BMPR1B: variants seen among roughly 807,000 people sequenced by gnomAD.
BMPR1B encodes bone morphogenetic protein receptor type 1B.
Under a neutral mutation model 59.1 loss-of-function variants are expected in BMPR1B, and 12 were observed. The ratio of observed to expected loss-of-function variants is 0.20; its 90% CI spans 0.13 to 0.33. The LOEUF (loss-of-function observed/expected upper bound fraction) is 0.33. Among genes scored for constraint, BMPR1B ranks in the 10% least tolerant of loss-of-function variants. BMPR1B has a pLI of 1.00. For synonymous variants in BMPR1B, 237 were observed against 207.3 expected (o/e 1.14, Z -1.23); for missense variants, 550 against 610.9 (o/e 0.90, Z 1.05).
intron 3 of BMPR1B, among the ~76,000 whole-genome samples, chr4:95,083,037 C>CA (rs1171888403): frequency 0.1 from 6,052 of 60,490 alleles, 1,049 homozygotes; most frequent in African/African-American, 0.27. Context: ...TACTCTGTCT[C>CA]AAAAAAAAAA....
At chr4:94,775,660 GT>G (rs1390752117) in intron 1 of BMPR1B, among the ~76,000 whole-genome samples, 1 of 152,192 alleles carries the variant, frequency 6.6e-6, no homozygotes, top group Non-Finnish European at 1.5e-5. Context: ...TTAAGCAAGT[GT>G]TTAGTTGCTT....
At chr4:95,066,872 G>A (rs1462856358) in intron 3 of BMPR1B, among the ~76,000 whole-genome samples, 3 of 152,238 alleles carry the variant, frequency 2.0e-5, no homozygotes, top group South Asian at 2.1e-4. Context: ...TTTTTCAATG[G>A]CAGGTGAATA....
intron 1 of BMPR1B, among the ~76,000 whole-genome samples, chr4:94,778,717 C>A (rs1722476208): frequency 6.6e-6 from 1 of 152,090 alleles, no homozygotes; most frequent in African/African-American, 2.4e-5. Flanking sequence ...TTGCTAATAT[C>A]CAGGTTTAAA....
At chr4:95,018,166 A>T (rs921478504) in intron 3 of BMPR1B, among the ~76,000 whole-genome samples, 1 of 152,236 alleles carries the variant, frequency 6.6e-6, no homozygotes, top group African/African-American at 2.4e-5. Flanking sequence ...TTTTATGTAC[A>T]TGCAACAGTC....
chr4:95,115,877 G>T, intron 6 of BMPR1B, 90 bp downstream of exon 6: 2 of 1,193,318 alleles, frequency 1.7e-6, no homozygotes, highest in Non-Finnish European at 2.5e-6. Flanking sequence ...CAATCTACCT[G>T]TACCACTTTC....
intron 1 of BMPR1B, among the ~76,000 whole-genome samples, chr4:94,821,356 G>A (rs937042823): frequency 6.6e-6 from 1 of 152,072 alleles, no homozygotes; most frequent in Non-Finnish European, 1.5e-5. Flanking sequence ...AACAAAAAGT[G>A]TTTAATAATA....
At chr4:95,059,735 C>T (rs1727212305) in intron 3 of BMPR1B, among the ~76,000 whole-genome samples, 1 of 152,074 alleles carries the variant, frequency 6.6e-6, no homozygotes, top group Middle Eastern at 3.2e-3. Context: ...TCAATTTAAT[C>T]TATCAAAGCC....
At chr4:94,906,013 G>A (rs1728026319) in intron 2 of BMPR1B, among the ~76,000 whole-genome samples, 1 of 151,098 alleles carries the variant, frequency 6.6e-6, no homozygotes, top group Non-Finnish European at 1.5e-5. Flanking sequence ...ACAAAGTAAT[G>A]ATGATTTTAA....
chr4:95,066,368 A>ATTACTAGCCATTAC (rs202108341), intron 3 of BMPR1B, among the ~76,000 whole-genome samples: 1 of 152,182 alleles, frequency 6.6e-6, no homozygotes, highest in Non-Finnish European at 1.5e-5. Flanking sequence ...ACTCAGGGCC[A>ATTACTAGCCATTAC]TGGCCATTAC....
chr4:95,029,720 C>A (rs2149152820), intron 3 of BMPR1B, among the ~76,000 whole-genome samples: 1 of 152,268 alleles, frequency 6.6e-6, no homozygotes, highest in Non-Finnish European at 1.5e-5. Context: ...AACTAGTTTA[C>A]AGTCCCACCA....
At chr4:95,079,264 A>G (rs1728935999) in intron 3 of BMPR1B, among the ~76,000 whole-genome samples, 1 of 152,200 alleles carries the variant, frequency 6.6e-6, no homozygotes, top group Admixed American at 6.5e-5. Context: ...CTTTTGTCTT[A>G]ATAGGTGATC....
At chr4:94,759,021 T>C (rs1486002905) in intron 1 of BMPR1B, among the ~76,000 whole-genome samples, 1 of 152,178 alleles carries the variant, frequency 6.6e-6, no homozygotes, top group Admixed American at 6.5e-5. Flanking sequence ...CCTCTTTCTG[T>C]CCAGGCTCCG....
At position 95,154,846 on chromosome 4, in the gene BMPR1B, C is replaced by A; in HGVS notation, c.*173C>A. On this transcript the variant is annotated 3_prime_UTR_variant, in exon 13 of 13. Coordinates refer to ENST00000515059, the MANE Select transcript of BMPR1B (RefSeq NM_001203.3). ...AGCGACCTGGGCAAAGACAGAGAAG[C>A]TCCCAGAAGGAGAGATTGATCCATG... 1 of 837,836 alleles carries A rather than the reference C, an allele frequency of 1.2e-6. No individual in the cohort carries two copies. Among genetic ancestry groups the A allele is most frequent in the Non-Finnish European group, 1.9e-6 (1 of 533,310 alleles). The allele number at this position is 837,836 out of a possible 1,614,324, so 51.9% of individuals were successfully genotyped here. A position where few individuals can be genotyped will look rare whatever the true frequency, so the allele number is the denominator to read the frequency against.
chr4:94,801,270 AC>A (rs1723396276), intron 1 of BMPR1B, among the ~76,000 whole-genome samples: 1 of 152,230 alleles, frequency 6.6e-6, no homozygotes, highest in Admixed American at 6.5e-5. Flanking sequence ...GTGGTAAGAA[AC>A]TACTACAACT....
chr4:94,928,134 T>C (rs1245398009), intron 2 of BMPR1B, among the ~76,000 whole-genome samples: 1 of 151,856 alleles, frequency 6.6e-6, no homozygotes, highest in Non-Finnish European at 1.5e-5. Context: ...TGTATGTGGT[T>C]ATTTTTTATT....
At chr4:94,999,324 G>A (rs1370910536) in intron 3 of BMPR1B, among the ~76,000 whole-genome samples, 1 of 151,750 alleles carries the variant, frequency 6.6e-6, no homozygotes, top group African/African-American at 2.4e-5. Flanking sequence ...TTACAATTTT[G>A]ATTCATTAGA....
intron 2 of BMPR1B, among the ~76,000 whole-genome samples, chr4:94,980,167 C>T (rs1388695786): frequency 6.6e-6 from 1 of 152,172 alleles, no homozygotes; most frequent in Non-Finnish European, 1.5e-5. Flanking sequence ...AGAAAGCACA[C>T]CACTTTTTGG....
At chr4:95,131,139 A>T in intron 9 of BMPR1B, 76 bp from the exon 10 acceptor site, 1 of 1,427,180 alleles carries the variant, frequency 7.0e-7, no homozygotes. Context: ...TATGACAAAG[A>T]ATGATGTTTG....
chr4:95,023,181 A>G (rs1361768405), intron 3 of BMPR1B, among the ~76,000 whole-genome samples: 1 of 152,168 alleles, frequency 6.6e-6, no homozygotes, highest in Non-Finnish European at 1.5e-5. Context: ...ATATCCACCC[A>G]AAGCTTTTCT....
Sources: gnomAD v4.1 joint callset for allele counts (sites outside exome capture counted in the v4.1 genomes callset) on GRCh38, gnomAD v4.1.1 for gene constraint, MANE v1.5 for transcripts, NCBI Gene and HGNC (gene_info 2026-07-23, HGNC 2026-07-21) for gene names.